CFAP47: variants seen among roughly 807,000 people sequenced by gnomAD.
CFAP47 encodes the protein cilia and flagella associated protein 47.
A neutral mutation model predicts 148.1 loss-of-function variants in CFAP47; 29 were observed. That is an observed-to-expected ratio of 0.20 (90% CI 0.15 to 0.27). The LOEUF (loss-of-function observed/expected upper bound fraction) is 0.27, where lower values mean the gene tolerates loss of function less well. Ranked by LOEUF, CFAP47 falls within the 10% of genes least tolerant of loss-of-function variation. The pLI, the probability that CFAP47 is intolerant of heterozygous loss-of-function variation, is 1.00. For missense variants in CFAP47, 1,872 were observed against 1,697.5 expected, an observed-to-expected ratio of 1.10 and a Z score of -1.81; for synonymous variants, 664 against 577.3, an observed-to-expected ratio of 1.15 and a Z score of -2.15.
chrX:35,983,395 CAG>C (rs1207422698), intron 15 of CFAP47, among the ~76,000 whole-genome samples: 1 of 111,905 alleles, frequency 8.9e-6, no homozygotes, highest in Non-Finnish European at 1.9e-5. Context: ...CATCTAAAAA[CAG>C]AGATAGTTTG....
chrX:36,382,752 A>AT (rs2059209763), intron 63 of CFAP47, among the ~76,000 whole-genome samples: 1 of 111,294 alleles, frequency 9.0e-6, no homozygotes, highest in Non-Finnish European at 1.9e-5. Context: ...TCATCTGTTT[A>AT]TTTTTTTAAA....
In CFAP47 at chrX:35,997,300, C is replaced by G; in HGVS notation, c.3100-12C>G. On this transcript the variant is annotated splice_polypyrimidine_tract_variant and intron_variant, in intron 18 of 63. Transcript: ENST00000378653. The stretch of plus-strand genomic sequence containing the variant: ...TGTGGTTTCTACAAAGTTTTTATTT[C>G]TCCTAAATAAGGTTTCTATTCGTCA... 1 of 293,874 alleles carries G rather than the reference C, an allele frequency of 3.4e-6. No individual in the cohort carries two copies. The highest frequency in any genetic ancestry group is 6.0e-6 in the Non-Finnish European group (1 of 167,758). The allele number at this position is 293,874 out of a possible 1,213,427, so 24.2% of individuals were successfully genotyped here.
chrX:36,078,598 C>T lies in CFAP47; in HGVS notation c.4691+5234C>T, dbSNP rs182221032. Among the ~76,000 whole-genome samples the T allele has an allele frequency of 4.0e-4, 44 of 110,799 alleles. No individual in the cohort carries two copies. The Middle Eastern group carries it at 0.014, about 35-fold the overall frequency. ...CACTTTATTTTGAGCCTATGTGGGTCTCTGCACATGAGATGGGTCTCCTGA... is the reference window on the plus strand; with the variant it reads ...CACTTTATTTTGAGCCTATGTGGGTTTCTGCACATGAGATGGGTCTCCTGA... On this transcript the variant is annotated intron_variant, in intron 29 of 63. Transcript: ENST00000378653.
chrX:35,975,197 C>T lies in CFAP47; in HGVS notation c.2305C>T (p.His769Tyr). 1 of 1,198,645 alleles carries T rather than the reference C, an allele frequency of 8.3e-7. No individual in the cohort carries two copies. Among genetic ancestry groups the T allele is most frequent in the South Asian group, 1.8e-5 (1 of 56,499 alleles). ...GNICVNSPNTHLLHVINMLPM... is the reference protein window; with the variant it reads ...GNICVNSPNTYLLHVINMLPM... ...TATTTGTGTGAACTCTCCAAATACTCATCTACTTCATGTTATTAATATGCT... is the reference window on the plus strand; with the variant it reads ...TATTTGTGTGAACTCTCCAAATACTTATCTACTTCATGTTATTAATATGCT... Residue 769 changes from histidine (H) to tyrosine (Y), a missense_variant, in exon 14 of 64, where the codon CAT becomes TAT. Physicochemically the swap from His to Tyr is moderately conservative, Grantham distance 83 (BLOSUM62 2). Transcript: ENST00000378653.
chrX:36,135,238 G>A (rs756094640), intron 33 of CFAP47, among the ~76,000 whole-genome samples: 69 of 110,747 alleles, frequency 6.2e-4, no homozygotes, highest in African/African-American at 2.2e-3. Context: ...CACCACTAAA[G>A]AACTTACTCA....
chrX:36,044,125 C>T (rs930402403), intron 25 of CFAP47, among the ~76,000 whole-genome samples: 2 of 113,206 alleles, frequency 1.8e-5, no homozygotes, highest in African/African-American at 3.2e-5. Context: ...GGTACCAAGC[C>T]CTGAAGCTTC....
At chrX:36,214,597 T>G (rs10126312) in intron 45 of CFAP47, among the ~76,000 whole-genome samples, 5,384 of 111,491 alleles carry the variant, frequency 0.048, 363 homozygotes, top group African/African-American at 0.17. Flanking sequence ...TATATCCTTA[T>G]TCTATAAATT....
chrX:36,096,523 C>G (rs888598060), intron 30 of CFAP47, among the ~76,000 whole-genome samples: 7 of 111,323 alleles, frequency 6.3e-5, no homozygotes, highest in African/African-American at 2.3e-4. Flanking sequence ...CTGGGTGTTA[C>G]AGTGTTTAGT....
rs567429588 is a variant in CFAP47 at position 35,923,805 on chromosome X, C to T, written c.250-2212C>T. Among the ~76,000 whole-genome samples the T allele has an allele frequency of 4.9e-4, 48 of 98,792 alleles. No homozygotes were observed. In the South Asian group the frequency reaches 0.019, roughly 39 times the overall value. 85.8% of individuals were successfully genotyped at this position (98,792 alleles called of 115,157 possible). On this transcript the variant is annotated intron_variant, in intron 1 of 63. Coordinates refer to ENST00000378653, the MANE Select transcript of CFAP47 (RefSeq NM_001304548.2). Reference sequence around the variant, plus strand: ...ACTGCACTCCAGCCTGGCGACAGAACGAGAATCCGTCTGAAAAAAAAAAGT... The same window carrying T: ...ACTGCACTCCAGCCTGGCGACAGAATGAGAATCCGTCTGAAAAAAAAAAGT...
In CFAP47 at chrX:35,940,694, T is replaced by G. The variant is rs191175912; in HGVS notation, c.402-589T>G. ...TCTCTCTCTGTGCGAAGTGTGGAGA[T>G]TCCTAAGAAATTATTCTTAAGACCT... On this transcript the variant is annotated intron_variant, in intron 2 of 63. Coordinates refer to ENST00000378653, the MANE Select transcript of CFAP47 (RefSeq NM_001304548.2). Among the ~76,000 whole-genome samples the G allele has an allele frequency of 7.2e-5, 8 of 111,448 alleles. No individual in the cohort carries two copies. In the Admixed American group the frequency reaches 7.7e-4, roughly 11 times the overall value.
chrX:35,950,747 A>T, intron 4 of CFAP47, among the ~76,000 whole-genome samples: 1 of 111,547 alleles, frequency 9.0e-6, no homozygotes, highest in East Asian at 2.8e-4. Flanking sequence ...AAGCTGTTGG[A>T]CTTGGGAGAT....
Position 36,382,374 on chromosome X carries a change from G to A in CFAP47, c.9355-2423G>A, listed in dbSNP as rs189638992. Among the ~76,000 whole-genome samples the A allele has an allele frequency of 2.6e-3, 292 of 111,822 alleles. 2 individuals are homozygous for A. Among genetic ancestry groups the A allele is most frequent in the Non-Finnish European group, 1.0e-3 (55 of 53,181 alleles). On this transcript the variant is annotated intron_variant, in intron 63 of 63. Coordinates refer to ENST00000378653, the MANE Select transcript of CFAP47 (RefSeq NM_001304548.2). ...GATTGTTCAAACTCTAGCACCAGTA[G>A]AGAAGCCTTCTGGGGTTTCTGAACA...
At position 35,930,028 on chromosome X, in the gene CFAP47, A is replaced by G. The variant is rs186274141; in HGVS notation, c.401+3860A>G. ...ACAAAACAAAACAAACAAACAAAAA[A>G]AAACAGTGAGACATCCTTTCCTGAC... On this transcript the variant is annotated intron_variant, in intron 2 of 63. Coordinates refer to ENST00000378653, the MANE Select transcript of CFAP47 (RefSeq NM_001304548.2). 3.2e-3 allele frequency among the ~76,000 whole-genome samples: 355 copies of G among 111,103 alleles called. 2 individuals carry two copies. The highest frequency in any genetic ancestry group is 0.011 in the African/African-American group (332 of 30,339).
chrX:36,279,862 G>A (rs1300518327), intron 49 of CFAP47, among the ~76,000 whole-genome samples: 10 of 109,589 alleles, frequency 9.1e-5, no homozygotes, highest in Admixed American at 9.9e-5. Context: ...GTGCCACCAC[G>A]CCTGGCTAAT....
chrX:36,073,647 G>A (rs1196223560), intron 29 of CFAP47, among the ~76,000 whole-genome samples: 4 of 110,644 alleles, frequency 3.6e-5, no homozygotes, highest in Non-Finnish European at 7.6e-5. Context: ...TGTGATATGA[G>A]GAAGGTTATA....
At chrX:36,365,106 C>T (rs989205442) in intron 61 of CFAP47, among the ~76,000 whole-genome samples, 1 of 107,608 alleles carries the variant, frequency 9.3e-6, no homozygotes, top group African/African-American at 3.3e-5. Flanking sequence ...AGTGGAGAAA[C>T]CGGTTCTTGA....
At chrX:36,220,947 C>A (rs1175014281) in intron 45 of CFAP47, among the ~76,000 whole-genome samples, 1 of 111,493 alleles carries the variant, frequency 9.0e-6, no homozygotes, top group Non-Finnish European at 1.9e-5. Context: ...AAATTAACTA[C>A]CAGTCTAGAA....
intron 25 of CFAP47, among the ~76,000 whole-genome samples, chrX:36,040,513 G>C (rs929491543): frequency 9.0e-6 from 1 of 111,280 alleles, no homozygotes; most frequent in Non-Finnish European, 1.9e-5. Flanking sequence ...TCAATCATGA[G>C]ACATTTATAG....
At chrX:35,920,255 G>A (rs1453496910) in intron 1 of CFAP47, among the ~76,000 whole-genome samples, 1 of 111,135 alleles carries the variant, frequency 9.0e-6, no homozygotes, top group African/African-American at 3.3e-5. Flanking sequence ...AGATGGGGAG[G>A]GCAGGGTGGA....
Sources: gnomAD v4.1 joint callset for allele counts (sites outside exome capture counted in the v4.1 genomes callset) on GRCh38, gnomAD v4.1.1 for gene constraint, MANE v1.5 for transcripts, NCBI Gene and HGNC (gene_info 2026-07-23, HGNC 2026-07-21) for gene names.